MEGF6: variants seen among roughly 807,000 people sequenced by gnomAD.
MEGF6 encodes multiple epidermal growth factor-like domains protein 6.
Under a neutral mutation model 207.1 loss-of-function variants are expected in MEGF6, and 184 were observed. The ratio of observed to expected loss-of-function variants is 0.89; its 90% CI spans 0.79 to 1.00. MEGF6 has a LOEUF of 1.00. Ranked by LOEUF, MEGF6 falls within the 50% of genes least tolerant of loss-of-function variation. The pLI is 0.00. For synonymous variants in MEGF6, 1,038 were observed against 910.0 expected (o/e 1.14, Z -2.53); for missense variants, 2,282 against 2,202.9 (o/e 1.04, Z -0.72).
intron 4 of MEGF6, among the ~76,000 whole-genome samples, chr1:3,563,642 G>A (rs189573658): frequency 2.4e-4 from 37 of 152,372 alleles, no homozygotes; most frequent in African/African-American, 7.5e-4. Context: ...TGGGTTTGGC[G>A]TCGGTTCTAT....
rs777624111 is a variant in MEGF6 at position 3,496,766 on chromosome 1, AC to A, written c.3630del (p.Tyr1211MetfsTer63). The A allele has an allele frequency of 3.9e-6, 6 of 1,558,390 alleles. No homozygotes were observed. ...PSCQQRCPPG[R>X]YGPGCEQLCG... ...CACAGCTGTTCACAGCCTGGCCCAT[AC>A]CGCCCGGGCGGACATCCTGCAGGGA... On this transcript the variant is annotated frameshift_variant, in exon 29 of 37. Coordinates refer to ENST00000356575, the MANE Select transcript of MEGF6 (RefSeq NM_001409.4). LOFTEE classifies it high-confidence loss of function.
chr1:3,494,801 G>A, intron 30 of MEGF6, 60 bp from the exon 31 acceptor site: 1 of 1,482,556 alleles, frequency 6.7e-7, no homozygotes, highest in African/African-American at 1.4e-5. Flanking sequence ...TCCCTCTGGG[G>A]ATATGTCCCC....
chr1:3,509,274 C>T, intron 11 of MEGF6, 29 bp from the exon 12 acceptor site: 1 of 1,411,978 alleles, frequency 7.1e-7, no homozygotes, highest in Non-Finnish European at 9.2e-7. Flanking sequence ...CGCCTTAGCC[C>T]CTGCCACCCA....
At position 3,532,864 on chromosome 1, in the gene MEGF6, C is replaced by T. The variant is rs115856306; in HGVS notation, c.482-8618G>A. On this transcript the variant is annotated intron_variant, in intron 4 of 36. Transcript: ENST00000356575. Reference sequence around the variant, plus strand: ...TGCCAGGCCCTGGGTTCTGGGGATGCAGTGCCATCCTCACCATTCCCTGCA... The same window carrying T: ...TGCCAGGCCCTGGGTTCTGGGGATGTAGTGCCATCCTCACCATTCCCTGCA... Among the ~76,000 whole-genome samples, 916 of 152,342 alleles carry T rather than the reference C, an allele frequency of 6.0e-3. 12 individuals are homozygous for T. Among genetic ancestry groups the T allele is most frequent in the African/African-American group, 0.021 (878 of 41,582 alleles).
intron 5 of MEGF6, among the ~76,000 whole-genome samples, chr1:3,516,431 G>C (rs1179363725): frequency 6.6e-6 from 1 of 152,230 alleles, no homozygotes; most frequent in Non-Finnish European, 1.5e-5. Context: ...CTGTGCCCGG[G>C]CAGGGGAGGC....
At chr1:3,541,978 G>T (rs923637006) in intron 4 of MEGF6, among the ~76,000 whole-genome samples, 1 of 152,150 alleles carries the variant, frequency 6.6e-6, no homozygotes, top group Admixed American at 6.5e-5. Context: ...GGAAGCCCCC[G>T]CGGCCAAGTA....
intron 4 of MEGF6, among the ~76,000 whole-genome samples, chr1:3,540,176 G>A (rs548898834): frequency 5.3e-5 from 8 of 152,244 alleles, no homozygotes; most frequent in Non-Finnish European, 1.2e-4. Flanking sequence ...TGACGCTGAA[G>A]GCTATTATTT....
At chr1:3,541,789 G>A (rs1642531787) in intron 4 of MEGF6, among the ~76,000 whole-genome samples, 1 of 152,130 alleles carries the variant, frequency 6.6e-6, no homozygotes, top group African/African-American at 2.4e-5. Context: ...GGGAAGGGCA[G>A]AGCGACAGAC....
chr1:3,516,652 T>C (rs528103912), intron 5 of MEGF6, among the ~76,000 whole-genome samples: 4 of 152,132 alleles, frequency 2.6e-5, no homozygotes, highest in South Asian at 2.1e-4. Flanking sequence ...CCCGGCACCA[T>C]GGAGGGGAGG....
chr1:3,504,751 G>A (rs374989701), intron 17 of MEGF6, among the ~76,000 whole-genome samples: 85 of 152,226 alleles, frequency 5.6e-4, no homozygotes, highest in African/African-American at 1.9e-3. Context: ...CCACGTGCAG[G>A]GGCCTGCAGC....
rs190202629 is a variant in MEGF6, at chr1:3,537,792, T to C, written c.482-13546A>G. On this transcript the variant is annotated intron_variant, in intron 4 of 36. Coordinates refer to ENST00000356575, the MANE Select transcript of MEGF6 (RefSeq NM_001409.4). Reference sequence around the variant, plus strand: ...CTGGATGGGATGATGGGGTGGGCCATGGACACTGGAAGGTAAGGGCGTGTC... The same window carrying C: ...CTGGATGGGATGATGGGGTGGGCCACGGACACTGGAAGGTAAGGGCGTGTC... Among the ~76,000 whole-genome samples the C allele has an allele frequency of 5.8e-3, 883 of 152,302 alleles. 10 individuals are homozygous for C. The highest frequency in any genetic ancestry group is 0.013 in the Admixed American group (192 of 15,302).
intron 17 of MEGF6, among the ~76,000 whole-genome samples, chr1:3,502,786 G>A (rs1030772968): frequency 2.6e-5 from 4 of 152,132 alleles, no homozygotes; most frequent in African/African-American, 9.7e-5. Flanking sequence ...GCTTTCCTCT[G>A]CCCTCCCACG....
At chr1:3,580,658 A>T (rs917715771) in intron 3 of MEGF6, among the ~76,000 whole-genome samples, 1 of 150,958 alleles carries the variant, frequency 6.6e-6, no homozygotes, top group Non-Finnish European at 1.5e-5. Context: ...CCCAGGCTGG[A>T]CCGGGTGCCC....
At chr1:3,529,028 A>G (rs1475708143) in intron 4 of MEGF6, among the ~76,000 whole-genome samples, 1 of 152,200 alleles carries the variant, frequency 6.6e-6, no homozygotes, top group Non-Finnish European at 1.5e-5. Context: ...CAGCTCTGCC[A>G]GACCGGCCCC....
the MEGF6 span, among the ~76,000 whole-genome samples, chr1:3,618,512 C>T: frequency 2.0e-5 from 3 of 152,132 alleles, no homozygotes; most frequent in East Asian, 1.9e-4. The surrounding 1 kb of genome is among the most constrained non-coding windows in gnomAD (Gnocchi z 4.7). Context: ...ACCATCAACG[C>T]GACTCAGCCT....
At chr1:3,492,217 A>ACACACCCT (rs1491430915) in intron 35 of MEGF6, among the ~76,000 whole-genome samples, 2 of 152,072 alleles carry the variant, frequency 1.3e-5, no homozygotes, top group African/African-American at 2.4e-5. Flanking sequence ...GCGTGCACAG[A>ACACACCCT]CACACCCTCA....
intron 5 of MEGF6, among the ~76,000 whole-genome samples, chr1:3,522,299 C>T (rs547979679): frequency 3.3e-5 from 5 of 152,230 alleles, no homozygotes; most frequent in Middle Eastern, 3.4e-3. Flanking sequence ...AGCCAGGAGC[C>T]GGGCACCAGC....
chr1:3,497,150 C>T (rs1319979082), intron 27 of MEGF6, 31 bp from the exon 28 acceptor site: 2 of 1,544,154 alleles, frequency 1.3e-6, no homozygotes, highest in South Asian at 1.2e-5. Flanking sequence ...TCGGTCCTGG[C>T]CCAGCCCCGC....
In MEGF6 at chr1:3,515,546, C is replaced by A; in HGVS notation, c.605-19G>T. 7.5e-6 allele frequency: 12 copies of A among 1,608,504 alleles called. No homozygotes were observed. The highest frequency in any genetic ancestry group is 2.7e-5 in the African/African-American group (2 of 75,020). ...TTAATGGCTGGGGACACAGGGAGGA[C>A]CCCAAGTCAGCCCAAGAGGATGCCT... On this transcript the variant is annotated intron_variant, in intron 5 of 36. Coordinates refer to ENST00000356575, the MANE Select transcript of MEGF6 (RefSeq NM_001409.4).
Sources: allele counts gnomAD v4.1 joint callset (sites outside exome capture counted in the v4.1 genomes callset), GRCh38; gene constraint gnomAD v4.1.1; non-coding constraint Gnocchi (gnomAD v3.1); transcripts MANE v1.5; gene names NCBI Gene and HGNC (gene_info 2026-07-23, HGNC 2026-07-21).